Variants in SNRPN observed in about 807,000 individuals in gnomAD.
The protein encoded by SNRPN is small nuclear ribonucleoprotein-associated protein N.
Under a neutral mutation model 25.2 loss-of-function variants are expected in SNRPN, and 7 were observed. The observed-to-expected ratio is 0.28, with a 90% confidence interval of 0.16 to 0.52. SNRPN has a LOEUF of 0.52. Ranked by LOEUF, SNRPN falls within the 20% of genes least tolerant of loss-of-function variation. The pLI is 0.96. For synonymous variants in SNRPN, 124 were observed against 110.6 expected (o/e 1.12, Z -0.76); for missense variants, 196 against 322.5 (o/e 0.61, Z 3.00).
intron 1 of SNRPN, among the ~76,000 whole-genome samples, chr15:24,860,584 A>ACTT (rs1041344556): frequency 3.3e-5 from 5 of 152,300 alleles, no homozygotes; most frequent in South Asian, 2.1e-4. Flanking sequence ...AATATACCTA[A>ACTT]CTTAGTTAAA....
At chr15:24,920,568 C>A (rs1290042677) in intron 3 of SNRPN, 2 of 152,086 alleles carry the variant, frequency 1.3e-5, no homozygotes, top group African/African-American at 4.8e-5. Context: ...GGTTCACTAA[C>A]CTGGGTTAGA....
intron 3 of SNRPN, among the ~76,000 whole-genome samples, chr15:24,933,259 C>A (rs1418602974): frequency 6.7e-6 from 1 of 149,764 alleles, no homozygotes; most frequent in African/African-American, 2.5e-5. Flanking sequence ...GACCCTGTCT[C>A]AAAAAAACAA....
chr15:24,922,757 A>G (rs753832857), intron 3 of SNRPN, among the ~76,000 whole-genome samples: 11 of 151,724 alleles, frequency 7.3e-5, no homozygotes, highest in Non-Finnish European at 1.0e-4. Flanking sequence ...TTCTCTCATT[A>G]TATATAATAT....
At chr15:24,961,940 TA>T (rs1429315265) in intron 1 of SNRPN, among the ~76,000 whole-genome samples, 173 bp from the exon 2 acceptor site, 1 of 152,228 alleles carries the variant, frequency 6.6e-6, no homozygotes, top group African/African-American at 2.4e-5. Flanking sequence ...AAAAAGTGGT[TA>T]TAGCATAGAT....
At chr15:24,890,749 G>A (rs772344035) in intron 2 of SNRPN, among the ~76,000 whole-genome samples, 1 of 152,014 alleles carries the variant, frequency 6.6e-6, no homozygotes, top group Non-Finnish European at 1.5e-5. Context: ...CTTGATTTCT[G>A]AAGACTCACA....
chr15:24,856,173 A>G (rs2053364579), upstream of SNRPN, among the ~76,000 whole-genome samples: 1 of 152,174 alleles, frequency 6.6e-6, no homozygotes, highest in Non-Finnish European at 1.5e-5. Context: ...TATTATATAA[A>G]GAAGAAAGAG....
rs775190608 is a variant in SNRPN at position 24,962,144 on chromosome 15, A to G, written c.-360A>G. ...GCTTACACCTGAGACGAACTACAGA[A>G]CAGCACGTACCAGAGGTGGAAGTCC... On this transcript the variant is annotated 5_prime_UTR_variant, in exon 2 of 10. Coordinates refer to ENST00000390687, the MANE Select transcript of SNRPN (RefSeq NM_003097.6). The G allele has an allele frequency of 2.5e-6, 4 of 1,614,206 alleles. No homozygotes were observed. The South Asian group carries it at 3.3e-5, about 13-fold the overall frequency.
intron 3 of SNRPN, among the ~76,000 whole-genome samples, chr15:24,921,489 A>G (rs938837569): frequency 1.1e-4 from 17 of 152,200 alleles, no homozygotes; most frequent in Admixed American, 2.6e-4. Flanking sequence ...GTGATACGGA[A>G]TCCTAAGGCA....
At chr15:24,924,778 C>G (rs2060272321) in intron 3 of SNRPN, among the ~76,000 whole-genome samples, 1 of 152,022 alleles carries the variant, frequency 6.6e-6, no homozygotes, top group Non-Finnish European at 1.5e-5. Context: ...CATGAGTTAC[C>G]ATGCCCAGGC....
intron 2 of SNRPN, among the ~76,000 whole-genome samples, chr15:24,902,765 G>A (rs947611263): frequency 2.0e-5 from 3 of 152,190 alleles, no homozygotes; most frequent in African/African-American, 4.8e-5. Context: ...CTTCAGGAGT[G>A]AAGCTGCAGA....
At chr15:24,975,551 G>C in intron 5 of SNRPN, 42 bp downstream of exon 5, 1 of 1,574,140 alleles carries the variant, frequency 6.4e-7, no homozygotes, top group Non-Finnish European at 8.7e-7. Context: ...CACAGAGGCA[G>C]TGGGAAGGGA....
intron 2 of SNRPN, among the ~76,000 whole-genome samples, chr15:24,901,791 A>C (rs545376771): frequency 6.6e-6 from 1 of 152,216 alleles, no homozygotes; most frequent in African/African-American, 2.4e-5. Flanking sequence ...TTCAGATTCC[A>C]AGTGCACAGA....
rs1555394724 is a variant in SNRPN at position 24,913,648 on chromosome 15, A to AAAAAAC, written c.-504-6359_-504-6358insACAAAA. Among the ~76,000 whole-genome samples, 5 of 152,180 alleles carry AAAAAAC rather than the reference A, an allele frequency of 3.3e-5. No homozygotes were observed. In the East Asian group the frequency reaches 9.7e-4, roughly 29 times the overall value. On this transcript the variant is annotated intron_variant, in intron 2 of 11. Coordinates refer to the SNRPN transcript ENST00000400097. ...GTGACATAGTGAGACTCCGTCTCAA[A>AAAAAAC]AAAACAAAACAAAACAAAACAAAAA...
intron 1 of SNRPN, among the ~76,000 whole-genome samples, chr15:24,869,504 T>C (rs1254499264): frequency 6.6e-6 from 1 of 152,166 alleles, no homozygotes; most frequent in African/African-American, 2.4e-5. Context: ...CTCATTAGGT[T>C]CCTTCTGCCT....
At chr15:24,881,526 C>CATT (rs1555388028) in intron 1 of SNRPN, among the ~76,000 whole-genome samples, 1 of 72,548 alleles carries the variant, frequency 1.4e-5, no homozygotes, top group East Asian at 3.9e-4. Context: ...AGCGAAACTC[C>CATT]GAGAGAGAGA....
intron 2 of SNRPN, among the ~76,000 whole-genome samples, chr15:24,896,260 A>G (rs930618960): frequency 1.3e-5 from 2 of 152,176 alleles, no homozygotes; most frequent in African/African-American, 4.8e-5. Flanking sequence ...GGTGACCCAC[A>G]ATTAGTCACT....
At chr15:24,954,897 A>T (rs1283361584), upstream of SNRPN, 1 of 1,143,888 alleles carries the variant, frequency 8.7e-7, no homozygotes, top group East Asian at 2.5e-5. Flanking sequence ...TGCGGCAAAC[A>T]AGCACGCCTG....
intron 2 of SNRPN, among the ~76,000 whole-genome samples, chr15:24,963,358 T>C (rs528663634): frequency 6.6e-6 from 1 of 152,332 alleles, no homozygotes; most frequent in African/African-American, 2.4e-5. Flanking sequence ...GGCCCATGCC[T>C]GTAATCCCAG....
chr15:24,834,159 C>G (rs1054202691), intron 2 of SNRPN, among the ~76,000 whole-genome samples: 1 of 152,068 alleles, frequency 6.6e-6, no homozygotes, highest in Non-Finnish European at 1.5e-5. Context: ...CTCCTGACCT[C>G]GTGATCCACC....
Sources: allele counts gnomAD v4.1 joint callset (sites outside exome capture counted in the v4.1 genomes callset), GRCh38; gene constraint gnomAD v4.1.1; transcripts MANE v1.5; gene names NCBI Gene and HGNC (gene_info 2026-07-23, HGNC 2026-07-21).